FRAS1: variants seen among roughly 807,000 people sequenced by gnomAD.
The protein encoded by FRAS1 is extracellular matrix organizing protein FRAS1.
A neutral mutation model predicts 435.2 loss-of-function variants in FRAS1; 290 were observed. That is an observed-to-expected ratio of 0.67 (90% confidence interval 0.61 to 0.73). The LOEUF (loss-of-function observed/expected upper bound fraction) is 0.73. Ranked by LOEUF, FRAS1 falls within the 30% of genes least tolerant of loss-of-function variation. FRAS1 has a pLI of 0.00. For synonymous variants in FRAS1, 1,800 were observed against 1,851.0 expected (o/e 0.97, Z 0.71); for missense variants, 4,860 against 5,001.5 (o/e 0.97, Z 0.85).
At chr4:78,323,088 T>C (rs1354359952) in intron 18 of FRAS1, among the ~76,000 whole-genome samples, 1 of 152,200 alleles carries the variant, frequency 6.6e-6, no homozygotes, top group Non-Finnish European at 1.5e-5. Flanking sequence ...GCCACTTGTA[T>C]GCATTTGTCC....
At chr4:78,204,531 A>G (rs542222235) in intron 2 of FRAS1, among the ~76,000 whole-genome samples, 331 of 152,308 alleles carry the variant, frequency 2.2e-3, no homozygotes, top group African/African-American at 7.4e-3. Context: ...TAAAGGCGTA[A>G]TTATCAAAGA....
intron 28 of FRAS1, among the ~76,000 whole-genome samples, chr4:78,384,849 A>G (rs1283804205): frequency 6.6e-6 from 1 of 150,706 alleles, no homozygotes; most frequent in Non-Finnish European, 1.5e-5. Flanking sequence ...TTGAGGCTGC[A>G]ATGAATGACG....
chr4:78,122,372 A>T (rs1719080926), intron 2 of FRAS1, among the ~76,000 whole-genome samples: 1 of 152,122 alleles, frequency 6.6e-6, no homozygotes, highest in South Asian at 2.1e-4. Flanking sequence ...AATCTAGTCT[A>T]TCACTGATGG....
rs187643918 is a variant in FRAS1, at chr4:78,330,834, G to A, written c.2138-2438G>A. The stretch of plus-strand genomic sequence containing the variant: ...CTCGGTCCTGTGGTCCTGTGACCTC[G>A]CCCTGCCTCCACTTGCCTTGTGATA... On this transcript the variant is annotated intron_variant, in intron 18 of 73. Transcript: ENST00000512123. Among the ~76,000 whole-genome samples the A allele has an allele frequency of 1.4e-4, 22 of 152,306 alleles. 1 individual carries two copies. Among genetic ancestry groups the A allele is most frequent in the Admixed American group, 5.9e-4 (9 of 15,298 alleles).
intron 2 of FRAS1, among the ~76,000 whole-genome samples, chr4:78,125,120 G>A (rs914179142): frequency 5.3e-5 from 8 of 152,116 alleles, no homozygotes; most frequent in East Asian, 3.8e-4. Context: ...TCTCTTGTGG[G>A]CATTTAATGC....
At chr4:78,367,422 A>G (rs899854417) in intron 22 of FRAS1, among the ~76,000 whole-genome samples, 1 of 151,670 alleles carries the variant, frequency 6.6e-6, no homozygotes, top group East Asian at 1.9e-4. Flanking sequence ...AAAAAAAAAA[A>G]AAGAAGATTC....
intron 3 of FRAS1, among the ~76,000 whole-genome samples, chr4:78,241,888 C>T (rs1725017571): frequency 6.6e-6 from 1 of 151,574 alleles, no homozygotes; most frequent in African/African-American, 2.4e-5. Context: ...GATCTAGACA[C>T]AGGTAGAAAA....
At chr4:78,295,152 C>T (rs1185473864) in intron 14 of FRAS1, among the ~76,000 whole-genome samples, 1 of 152,120 alleles carries the variant, frequency 6.6e-6, no homozygotes, top group East Asian at 1.9e-4. Context: ...TTTAGCCAAT[C>T]CTCTATGGTT....
At chr4:78,083,628 T>TA (rs1212871964) in intron 2 of FRAS1, among the ~76,000 whole-genome samples, 120 of 148,428 alleles carry the variant, frequency 8.1e-4, no homozygotes, top group Non-Finnish European at 3.9e-4. Context: ...CAAGTTCTGT[T>TA]TTTTTTTTTT....
chr4:78,167,269 A>G (rs1721369129), intron 2 of FRAS1, among the ~76,000 whole-genome samples: 1 of 152,158 alleles, frequency 6.6e-6, no homozygotes, highest in Non-Finnish European at 1.5e-5. Context: ...GAAGCTAGAG[A>G]GGAATAAAAC....
intron 14 of FRAS1, among the ~76,000 whole-genome samples, chr4:78,304,714 C>T (rs926635576): frequency 2.0e-5 from 3 of 151,652 alleles, no homozygotes; most frequent in Non-Finnish European, 4.4e-5. Flanking sequence ...TGGTGATATC[C>T]CCTTTATCAT....
chr4:78,451,748 C>G (rs1418841685), intron 45 of FRAS1, 24 bp from the exon 46 acceptor site: 1 of 1,567,682 alleles, frequency 6.4e-7, no homozygotes, highest in Non-Finnish European at 8.6e-7. Flanking sequence ...AATAGCAAAT[C>G]TTGATTTTTT....
intron 9 of FRAS1, among the ~76,000 whole-genome samples, chr4:78,271,738 G>A (rs1394763304): frequency 2.0e-5 from 3 of 152,126 alleles, no homozygotes; most frequent in Admixed American, 1.3e-4. Context: ...GGTTGGTTCT[G>A]AGTCTTTGCT....
At chr4:78,361,458 T>A (rs1198506898) in intron 20 of FRAS1, among the ~76,000 whole-genome samples, 3 of 152,192 alleles carry the variant, frequency 2.0e-5, no homozygotes, top group Non-Finnish European at 4.4e-5. Flanking sequence ...ACAGAAAGGT[T>A]TGAGACTGTT....
intron 22 of FRAS1, among the ~76,000 whole-genome samples, chr4:78,366,816 G>A (rs1464280923): frequency 6.6e-6 from 1 of 152,174 alleles, no homozygotes; most frequent in Non-Finnish European, 1.5e-5. Flanking sequence ...GTACTAGTAA[G>A]TACTTTGTGG....
At position 78,333,369 on chromosome 4, in the gene FRAS1, C is replaced by G. The variant is rs1301558338; in HGVS notation, c.2235C>G (p.Ser745=). 6.2e-7 allele frequency: 1 copy of G among 1,611,974 alleles called. No homozygotes were observed. Among genetic ancestry groups the G allele is most frequent in the South Asian group, 1.1e-5 (1 of 90,310 alleles). The change falls in exon 19 of 74, where the codon TCC becomes TCG. Residue 745 remains serine, a synonymous_variant. Transcript: ENST00000512123. The part of the protein sequence containing the change: ...SHVLLDGQCL[S]QCPDGYFHQE... ...TGCTGTTGGATGGGCAGTGCCTCTC[C>G]CAGTGCCCAGATGGCTACTTTCACC...
chr4:78,267,399 G>T lies in FRAS1; in HGVS notation c.948G>T (p.Gln316His). Residue 316 changes from glutamine to histidine, a missense_variant, in exon 9 of 74, where the codon CAG becomes CAT. By Grantham distance (24) the Gln-to-His change is conservative (BLOSUM62 0). Transcript: ENST00000512123. ...GTGATCATGGCCAAGTGACCTGCCA[G>T]ACTGGAGAGTGTGCCAAAGTGGAGT... ...CMCDHGQVTC[Q>H]TGECAKVECA... 5 of 1,613,938 alleles carry T rather than the reference G, an allele frequency of 3.1e-6. No individual in the cohort carries two copies. Among genetic ancestry groups the T allele is most frequent in the Non-Finnish European group, 4.2e-6 (5 of 1,179,872 alleles).
At chr4:78,490,971 G>A (rs1003664326) in intron 59 of FRAS1, among the ~76,000 whole-genome samples, 4 of 151,714 alleles carry the variant, frequency 2.6e-5, no homozygotes, top group African/African-American at 7.3e-5. Flanking sequence ...TTGATAAAGG[G>A]GATATCACCA....
intron 69 of FRAS1, 53 bp downstream of exon 69, chr4:78,522,861 C>CT: frequency 6.9e-7 from 1 of 1,446,826 alleles, no homozygotes; most frequent in Non-Finnish European, 9.3e-7. Context: ...TTTTCCATTT[C>CT]TTTCAGGAGC....
Sources: allele counts gnomAD v4.1 joint callset (sites outside exome capture counted in the v4.1 genomes callset), GRCh38; gene constraint gnomAD v4.1.1; transcripts MANE v1.5; gene names NCBI Gene and HGNC (gene_info 2026-07-23, HGNC 2026-07-21).